Variants in TAFA2 observed in about 807,000 individuals in gnomAD.
TAFA2 encodes TAFA chemokine like family member 2, also known as chemokine-like protein TAFA-2.
Under a neutral mutation model 18.8 loss-of-function variants are expected in TAFA2, and 7 were observed. The observed-to-expected ratio is 0.37, with a 90% CI of 0.21 to 0.70. TAFA2 has a LOEUF of 0.70. Among genes scored for constraint, TAFA2 ranks in the 30% least tolerant of loss-of-function variants. The pLI, the probability that TAFA2 is intolerant of heterozygous loss-of-function variation, is 0.53. For synonymous variants in TAFA2, 60 were observed against 54.2 expected, an observed-to-expected ratio of 1.11 and a Z score of -0.47; for missense variants, 122 against 158.1, an observed-to-expected ratio of 0.77 and a Z score of 1.23.
chr12:62,247,957 C>A (rs1261225989), intron 1 of TAFA2, among the ~76,000 whole-genome samples: 1 of 151,958 alleles, frequency 6.6e-6, no homozygotes, highest in Non-Finnish European at 1.5e-5. Flanking sequence ...TTTTTCTTTT[C>A]TTGGCTCTCC....
At chr12:62,112,209 C>T (rs1182110023) in intron 1 of TAFA2, among the ~76,000 whole-genome samples, 1 of 152,066 alleles carries the variant, frequency 6.6e-6, no homozygotes, top group Non-Finnish European at 1.5e-5. Flanking sequence ...TCAGTATTTG[C>T]TTGTCTGTAA....
chr12:61,844,556 G>A (rs568928903), intron 2 of TAFA2, among the ~76,000 whole-genome samples: 9 of 152,128 alleles, frequency 5.9e-5, no homozygotes, highest in African/African-American at 2.2e-4. Context: ...ATTTTTATAG[G>A]AATTAGGTTT....
chr12:61,849,535 AC>A (rs1411154069), intron 2 of TAFA2, among the ~76,000 whole-genome samples: 7 of 152,212 alleles, frequency 4.6e-5, no homozygotes, highest in Admixed American at 4.6e-4. Context: ...ATCACTAAGT[AC>A]ATAACTTTCT....
At chr12:62,102,491 G>C (rs981330646) in intron 1 of TAFA2, among the ~76,000 whole-genome samples, 3 of 152,174 alleles carry the variant, frequency 2.0e-5, no homozygotes, top group Non-Finnish European at 4.4e-5. Flanking sequence ...CTGGTGACTA[G>C]GGTAACGTGT....
chr12:61,830,457 A>G (rs1565648859), intron 2 of TAFA2, among the ~76,000 whole-genome samples: 1 of 151,796 alleles, frequency 6.6e-6, no homozygotes, highest in African/African-American at 2.4e-5. Context: ...CAATAAGGAT[A>G]TAACTGGAGG....
intron 1 of TAFA2, among the ~76,000 whole-genome samples, chr12:61,995,789 A>G (rs1880164715): frequency 6.6e-6 from 1 of 152,190 alleles, no homozygotes; most frequent in Non-Finnish European, 1.5e-5. Flanking sequence ...GCTAAAGAGT[A>G]TAAAGTTTCC....
intron 4 of TAFA2, among the ~76,000 whole-genome samples, chr12:61,746,682 A>G (rs1371342898): frequency 6.6e-6 from 1 of 152,134 alleles, no homozygotes; most frequent in Non-Finnish European, 1.5e-5. Flanking sequence ...TTGCTATGGC[A>G]GCAATAAAAA....
At chr12:61,843,335 CCA>C (rs1268569987) in intron 2 of TAFA2, among the ~76,000 whole-genome samples, 1 of 151,782 alleles carries the variant, frequency 6.6e-6, no homozygotes, top group Non-Finnish European at 1.5e-5. Flanking sequence ...CAGTGGGACT[CCA>C]GATATTGGAA....
At chr12:62,111,917 C>T (rs183710607) in intron 1 of TAFA2, among the ~76,000 whole-genome samples, 1 of 152,302 alleles carries the variant, frequency 6.6e-6, no homozygotes, top group Non-Finnish European at 1.5e-5. Context: ...ATACAGAACA[C>T]TGATGTGTCT....
At chr12:61,754,633 A>G (rs1226045313) in intron 3 of TAFA2, among the ~76,000 whole-genome samples, 5 of 151,910 alleles carry the variant, frequency 3.3e-5, no homozygotes, top group Non-Finnish European at 5.9e-5. Flanking sequence ...TAAGATGCAC[A>G]TTAATTTAAT....
At chr12:61,807,389 G>A (rs927136119) in intron 2 of TAFA2, among the ~76,000 whole-genome samples, 1 of 151,466 alleles carries the variant, frequency 6.6e-6, no homozygotes, top group African/African-American at 2.5e-5. Context: ...TTCAGAAGAT[G>A]TACGGAAGTG....
intron 1 of TAFA2, among the ~76,000 whole-genome samples, chr12:61,932,885 A>G (rs1877619134): frequency 6.6e-6 from 1 of 152,182 alleles, no homozygotes; most frequent in Non-Finnish European, 1.5e-5. Context: ...TTAATATGTT[A>G]GGAAGATCCA....
At position 62,014,489 on chromosome 12, in the gene TAFA2, G is replaced by A. The variant is rs117405958; in HGVS notation, c.-1-147063C>T. Reference sequence around the variant, plus strand: ...ACAAAAAAAAATACAAAAATTAGCCGGGCATATTGGTGCATACCTGCAGTT... The same window carrying A: ...ACAAAAAAAAATACAAAAATTAGCCAGGCATATTGGTGCATACCTGCAGTT... On this transcript the variant is annotated intron_variant, in intron 1 of 4. Transcript: ENST00000416284. 1.6e-4 allele frequency among the ~76,000 whole-genome samples: 24 copies of A among 152,096 alleles called. No individual in the cohort carries two copies. The East Asian group carries it at 4.4e-3, about 28-fold the overall frequency.
In TAFA2 at chr12:62,217,232, CCATAT is replaced by C. The variant is rs1486226981; in HGVS notation, c.-130+41526_-130+41530del. 4.0e-5 allele frequency among the ~76,000 whole-genome samples: 6 copies of C among 148,736 alleles called. 1 individual carries two copies. Among genetic ancestry groups the C allele is most frequent in the African/African-American group, 1.6e-4 (6 of 38,318 alleles). Reference sequence around the variant, plus strand: ...GCAGCAGGTACAGGGAGTACTTGGGCCATATGATCCAGCAGACCTTTCAGTATGAA... The same window carrying C: ...GCAGCAGGTACAGGGAGTACTTGGGCGATCCAGCAGACCTTTCAGTATGAA... On this transcript the variant is annotated intron_variant, in intron 1 of 5. Transcript: ENST00000551619.
chr12:61,779,844 G>A (rs1168698662), intron 2 of TAFA2, among the ~76,000 whole-genome samples: 1 of 151,738 alleles, frequency 6.6e-6, no homozygotes, highest in African/African-American at 2.4e-5. Flanking sequence ...CAAAATTGCT[G>A]AATCTATGGT....
At chr12:61,851,923 A>G (rs1449191605) in intron 2 of TAFA2, among the ~76,000 whole-genome samples, 1 of 147,434 alleles carries the variant, frequency 6.8e-6, no homozygotes, top group African/African-American at 2.5e-5. Flanking sequence ...TGGATAAAAG[A>G]CAAGCCGGGC....
chr12:61,912,074 A>G (rs1333161722), intron 1 of TAFA2, among the ~76,000 whole-genome samples: 1 of 152,200 alleles, frequency 6.6e-6, no homozygotes, highest in Non-Finnish European at 1.5e-5. Context: ...TACATGTTTT[A>G]TGTCACTTAA....
chr12:61,819,002 G>A (rs753893258), intron 2 of TAFA2, among the ~76,000 whole-genome samples: 16 of 152,072 alleles, frequency 1.1e-4, no homozygotes, highest in African/African-American at 3.4e-4. Context: ...CTCTAGACCC[G>A]ATCATGACTT....
chr12:61,881,494 T>C (rs1875137359), intron 1 of TAFA2, among the ~76,000 whole-genome samples: 1 of 152,306 alleles, frequency 6.6e-6, no homozygotes, highest in Non-Finnish European at 1.5e-5. Context: ...GGACCACTAT[T>C]GTACGGACAG....
Sources: gnomAD v4.1 joint callset for allele counts (sites outside exome capture counted in the v4.1 genomes callset) on GRCh38, gnomAD v4.1.1 for gene constraint, MANE v1.5 for transcripts, NCBI Gene and HGNC (gene_info 2026-07-23, HGNC 2026-07-21) for gene names.